PDLIM7: variants seen among roughly 807,000 people sequenced by gnomAD.
PDLIM7 encodes the protein PDZ and LIM domain 7.
A neutral mutation model predicts 53.9 loss-of-function variants in PDLIM7; 37 were observed. The observed-to-expected ratio is 0.69, with a 90% CI of 0.53 to 0.90. The LOEUF (loss-of-function observed/expected upper bound fraction) is 0.90. PDLIM7 is among the 40% of genes least tolerant of loss of function. The pLI is 0.00. For missense variants in PDLIM7, 617 were observed against 638.5 expected (o/e 0.97, Z 0.36); for synonymous variants, 300 against 261.3 (o/e 1.15, Z -1.43).
At chr5:177,486,784 C>T (rs1230024017) in intron 10 of PDLIM7, among the ~76,000 whole-genome samples, 1 of 150,266 alleles carries the variant, frequency 6.7e-6, no homozygotes, top group Non-Finnish European at 1.5e-5. Context: ...GACTACTCCA[C>T]CATGCCCGGC....
In PDLIM7 at chr5:177,496,435, C is replaced by T. The variant is rs61751022; in HGVS notation, c.78G>A (p.Val26=). Reference sequence around the variant, plus strand: ...GGCTCACCCGGGAAATGGAGAGGGGCACATTGAAGTCCTTGCCCCCTTGCA... The same window carrying T: ...GGCTCACCCGGGAAATGGAGAGGGGTACATTGAAGTCCTTGCCCCCTTGCA... ...FRLQGGKDFN[V]PLSISRLTPG... Residue 26 remains valine (V), a synonymous_variant, in exon 2 of 13, where the codon GTG becomes GTA. Coordinates refer to ENST00000355841, the MANE Select transcript of PDLIM7 (RefSeq NM_005451.5). The T allele has an allele frequency of 5.6e-4, 901 of 1,598,592 alleles. 9 individuals are homozygous for T. The African/African-American group carries it at 0.011, about 19-fold the overall frequency.
chr5:177,489,290 C>T, intron 9 of PDLIM7, 103 bp downstream of exon 9: 1 of 897,510 alleles, frequency 1.1e-6, no homozygotes, highest in Middle Eastern at 3.0e-4. Context: ...AGAACTGAAT[C>T]CTTATTCCCC....
chr5:177,489,313 G>C, intron 9 of PDLIM7, 80 bp downstream of exon 9: 1 of 1,105,854 alleles, frequency 9.0e-7, no homozygotes, highest in Non-Finnish European at 1.3e-6. Context: ...AGTCGCAGCT[G>C]AGGCAAGACA....
chr5:177,491,833 G>A lies in PDLIM7; in HGVS notation c.372C>T (p.Pro124=). 1 of 1,283,978 alleles carries A rather than the reference G, an allele frequency of 7.8e-7. No individual in the cohort carries two copies. Among genetic ancestry groups the A allele is most frequent in the Non-Finnish European group, 9.9e-7 (1 of 1,011,706 alleles). 79.5% of individuals were successfully genotyped at this position (1,283,978 alleles called of 1,614,324 possible). Reference sequence around the variant, plus strand: ...CATTCTGCTGCGGGGCGCTGTCAGCGGGCGGGGGCGCCCCAAAGGGCCGGG... The same window carrying A: ...CATTCTGCTGCGGGGCGCTGTCAGCAGGCGGGGGCGCCCCAAAGGGCCGGG... ...KTARPFGAPP[P]ADSAPQQNGQ... is the part of the protein sequence containing the mutation. The change falls in exon 5 of 13, where the codon CCC becomes CCT. Residue 124 remains proline, a synonymous_variant. Coordinates refer to ENST00000355841, the MANE Select transcript of PDLIM7 (RefSeq NM_005451.5).
At chr5:177,495,677 G>A (rs1216799692) in intron 2 of PDLIM7, among the ~76,000 whole-genome samples, 1 of 152,172 alleles carries the variant, frequency 6.6e-6, no homozygotes, top group Non-Finnish European at 1.5e-5. Flanking sequence ...CCCAGCGTGG[G>A]GCTGCATTCT....
intron 10 of PDLIM7, among the ~76,000 whole-genome samples, chr5:177,484,679 G>A (rs892446729): frequency 6.6e-6 from 1 of 152,198 alleles, no homozygotes; most frequent in Admixed American, 6.5e-5. Context: ...CTGCCACAGC[G>A]TGCCCCTGCA....
At chr5:177,491,520 C>T (rs958121073) in intron 5 of PDLIM7, 134 of 962,230 alleles carry the variant, frequency 1.4e-4, no homozygotes, top group Middle Eastern at 2.4e-4. Flanking sequence ...GGGGACAAGG[C>T]GGCACTGAGT....
chr5:177,492,599 C>T lies in PDLIM7; in HGVS notation c.175G>A (p.Gly59Ser). Residue 59 changes from glycine (G) to serine (S), a missense_variant, in exon 3 of 13, where the codon GGT (glycine) becomes AGT (serine). Transcript: ENST00000355841. Reference protein sequence around the residue: ...WVLSIDGENAGSLTHIEAQNK... With the variant: ...WVLSIDGENASSLTHIEAQNK... ...TGAGCTTCGATGTGTGTGAGGCTAC[C>T]CGCATTCTCGCCATCGATGCTCAGC... The T allele has an allele frequency of 1.9e-6, 3 of 1,613,286 alleles. No individual in the cohort carries two copies. Among genetic ancestry groups the T allele is most frequent in the Non-Finnish European group, 2.5e-6 (3 of 1,180,002 alleles).
At chr5:177,490,758 GAAGGA>G in intron 7 of PDLIM7, 107 bp downstream of exon 7, 2 of 919,808 alleles carry the variant, frequency 2.2e-6, no homozygotes, top group South Asian at 2.8e-5. Flanking sequence ...AGGAAGGAAG[GAAGGA>G]AGGGAGAATT....
rs200943753 is a variant in PDLIM7, at chr5:177,492,548, G to A, written c.226C>T (p.Arg76Cys). Residue 76 changes from arginine (R) to cysteine (C), a missense_variant, in exon 3 of 13, where the codon CGC becomes TGC. Arg to Cys is a radical substitution (Grantham distance 180). Transcript: ENST00000355841. ...AQNKIRACGE[R>C]LSLGLSRAQP... ...TACCTGCTGAGGCCCAGGCTGAGGC[G>A]CTCCCCGCAGGCCCGGATCTTGTTC... 34 of 1,613,552 alleles carry A rather than the reference G, an allele frequency of 2.1e-5. No homozygotes were observed. The East Asian group carries it at 4.2e-4, about 20-fold the overall frequency.
chr5:177,492,875 C>T (rs1274314478), intron 2 of PDLIM7, 198 bp from the exon 3 acceptor site: 2 of 590,032 alleles, frequency 3.4e-6, no homozygotes, highest in Non-Finnish European at 3.0e-6. Context: ...TCACAATTTC[C>T]CAGTCACACT....
At chr5:177,489,672 G>A (rs997095937) in intron 8 of PDLIM7, 45 bp from the exon 9 acceptor site, 1 of 1,507,778 alleles carries the variant, frequency 6.6e-7, no homozygotes, top group African/African-American at 1.4e-5. Context: ...GGACCCCAAA[G>A]GACGGGGGTG....
At position 177,490,396 on chromosome 5, in the gene PDLIM7, G is replaced by T. The variant is rs932449346; in HGVS notation, c.572+474C>A. ...AGGCTCAGGCCAGGGGCACGAAAGG[G>T]GGGGTGAGGTAGGCAGAAGCTGGAG... On this transcript the variant is annotated intron_variant, in intron 7 of 12. Coordinates refer to ENST00000355841, the MANE Select transcript of PDLIM7 (RefSeq NM_005451.5). 11 of 1,487,894 alleles carry T rather than the reference G, an allele frequency of 7.4e-6. No individual in the cohort carries two copies. The East Asian group carries it at 7.4e-5, about 10-fold the overall frequency. 92.2% of individuals were successfully genotyped at this position (1,487,894 alleles called of 1,614,324 possible). A position where few individuals can be genotyped will look rare whatever the true frequency, so the allele number is the denominator to read the frequency against.
At chr5:177,494,814 C>T (rs2127415174) in intron 2 of PDLIM7, among the ~76,000 whole-genome samples, 1 of 152,244 alleles carries the variant, frequency 6.6e-6, no homozygotes, top group East Asian at 1.9e-4. Flanking sequence ...CCCCCCAGTC[C>T]CAGACGTTAC....
At chr5:177,487,680 G>A (rs1185426385) in intron 10 of PDLIM7, among the ~76,000 whole-genome samples, 1 of 152,254 alleles carries the variant, frequency 6.6e-6, no homozygotes, top group African/African-American at 2.4e-5. Context: ...ACCACACAGA[G>A]CTCTCTGGCT....
intron 5 of PDLIM7, 75 bp from the exon 6 acceptor site, chr5:177,491,221 A>G: frequency 6.6e-7 from 1 of 1,521,608 alleles, no homozygotes; most frequent in East Asian, 2.3e-5. Context: ...GATTTGGTGC[A>G]TGTGGGTTTG....
chr5:177,494,835 A>G (rs765424838), intron 2 of PDLIM7, among the ~76,000 whole-genome samples: 1 of 152,100 alleles, frequency 6.6e-6, no homozygotes, highest in Non-Finnish European at 1.5e-5. Context: ...CTCATCTCCC[A>G]GGCCTGGGCC....
At chr5:177,490,352 C>T (rs1758685211) in intron 7 of PDLIM7, 3 of 1,452,714 alleles carry the variant, frequency 2.1e-6, no homozygotes, top group Non-Finnish European at 2.7e-6. Context: ...AGGTGGGCGG[C>T]CAGGGCCAGG....
chr5:177,490,369 G>A (rs1758685774), intron 7 of PDLIM7: 4 of 1,462,506 alleles, frequency 2.7e-6, no homozygotes, highest in Non-Finnish European at 2.7e-6. Flanking sequence ...CAGGCCAGCA[G>A]GAGGCTCAGG....
Sources: allele counts gnomAD v4.1 joint callset (sites outside exome capture counted in the v4.1 genomes callset), GRCh38; gene constraint gnomAD v4.1.1; transcripts MANE v1.5; gene names NCBI Gene and HGNC (gene_info 2026-07-23, HGNC 2026-07-21).